UNC80: variants seen among roughly 807,000 people sequenced by gnomAD.
UNC80 encodes protein unc-80 homolog.
UNC80 carries 164 observed loss-of-function variants against 384.6 expected under a neutral mutation model. The observed-to-expected ratio is 0.43, with a 90% confidence interval of 0.38 to 0.49. The LOEUF is 0.49. Among genes scored for constraint, UNC80 ranks in the 20% least tolerant of loss-of-function variants. The pLI is 0.00. For synonymous variants in UNC80, 1,486 were observed against 1,527.8 expected (o/e 0.97, Z 0.64); for missense variants, 3,330 against 4,143.0 (o/e 0.80, Z 5.39).
At chr2:209,917,678 G>A in intron 31 of UNC80, 99 bp from the exon 32 acceptor site, 1 of 1,399,312 alleles carries the variant, frequency 7.1e-7, no homozygotes. Flanking sequence ...TAGCTCAGGA[G>A]TCATTTTCAG....
At position 209,771,846 on chromosome 2, in the gene UNC80, C is replaced by G. The variant is rs970596044; in HGVS notation, c.-227C>G. 1.8e-5 allele frequency: 10 copies of G among 541,354 alleles called. No homozygotes were observed. The highest frequency in any genetic ancestry group is 3.1e-5 in the Non-Finnish European group (9 of 294,774). The allele number at this position is 541,354 out of a possible 1,614,324, so 33.5% of individuals were successfully genotyped here. ...GGCGGACCGCTGCTCCGAGCGCCCCCCTCCTCGCTCCGCGGCTCCTCCAGC... is the reference window on the plus strand; with the variant it reads ...GGCGGACCGCTGCTCCGAGCGCCCCGCTCCTCGCTCCGCGGCTCCTCCAGC... On this transcript the variant is annotated 5_prime_UTR_variant, in exon 1 of 65. Coordinates refer to ENST00000673920, the MANE Select transcript of UNC80 (RefSeq NM_001371986.1).
intron 25 of UNC80, among the ~76,000 whole-genome samples, chr2:209,886,347 G>A (rs2085804934): frequency 6.6e-6 from 1 of 151,852 alleles, no homozygotes; most frequent in Non-Finnish European, 1.5e-5. Flanking sequence ...GGAGGCTGAG[G>A]TGGGAGGATC....
At chr2:209,777,208 C>A in intron 3 of UNC80, 50 bp from the exon 4 acceptor site, 1 of 1,520,018 alleles carries the variant, frequency 6.6e-7, no homozygotes. Flanking sequence ...ACATCTATTG[C>A]CCTGGTCACA....
intron 22 of UNC80, among the ~76,000 whole-genome samples, chr2:209,865,986 C>G (rs1200059150): frequency 6.6e-6 from 1 of 152,196 alleles, no homozygotes; most frequent in African/African-American, 2.4e-5. Flanking sequence ...TATAGGTAAT[C>G]TGCCCTCCTC....
intron 18 of UNC80, among the ~76,000 whole-genome samples, chr2:209,836,386 C>T (rs954926779): frequency 6.6e-6 from 1 of 152,014 alleles, no homozygotes; most frequent in African/African-American, 2.4e-5. Flanking sequence ...AACTATTGAG[C>T]TAATCTGATC....
In UNC80 at chr2:209,904,807, C is replaced by T; in HGVS notation, c.4624C>T (p.His1542Tyr). Residue 1542 changes from histidine to tyrosine, a missense_variant, in exon 29 of 65, where the codon CAC (histidine) becomes TAC (tyrosine). By Grantham distance (83) the His-to-Tyr change is moderately conservative (BLOSUM62 2). This residue lies in a region of UNC80 where 801 missense variants were observed against 950.8 expected (regional missense o/e 0.84). Coordinates refer to ENST00000673920, the MANE Select transcript of UNC80 (RefSeq NM_001371986.1). ...CAATCAGCAGAGTTTCATCTGCACT[C>T]ACGTTGACTACTGCCATCCCCACTG... Reference protein sequence around the residue: ...LCNQQSFICTHVDYCHPHCYL... With the variant: ...LCNQQSFICTYVDYCHPHCYL... 1 of 1,552,004 alleles carries T rather than the reference C, an allele frequency of 6.4e-7. No homozygotes were observed. The highest frequency in any genetic ancestry group is 8.7e-7 in the Non-Finnish European group (1 of 1,147,066).
intron 8 of UNC80, 44 bp from the exon 9 acceptor site, chr2:209,815,213 G>T (rs766075512): frequency 2.0e-6 from 3 of 1,533,296 alleles, no homozygotes; most frequent in Non-Finnish European, 2.6e-6. Context: ...ACAGTATTTG[G>T]ATGTAAAGTC....
chr2:209,866,533 C>CACAGAGAG (rs1307214321), intron 22 of UNC80, among the ~76,000 whole-genome samples: 13 of 104,134 alleles, frequency 1.2e-4, no homozygotes, highest in South Asian at 6.4e-4. Flanking sequence ...CACACACACA[C>CACAGAGAG]AGAGAGAGAG....
At chr2:209,812,211 G>A (rs993427648) in intron 7 of UNC80, among the ~76,000 whole-genome samples, 25 of 149,940 alleles carry the variant, frequency 1.7e-4, no homozygotes, top group Non-Finnish European at 2.8e-4. Flanking sequence ...CACCAAGAGC[G>A]GCTAATTTTT....
At chr2:209,936,260 C>T (rs544524308) in intron 40 of UNC80, among the ~76,000 whole-genome samples, 8 of 152,238 alleles carry the variant, frequency 5.3e-5, no homozygotes, top group Non-Finnish European at 1.0e-4. Flanking sequence ...TATATTCAAA[C>T]GCTGCCTTCA....
intron 33 of UNC80, among the ~76,000 whole-genome samples, chr2:209,919,589 A>G (rs1002521415): frequency 8.5e-5 from 13 of 152,218 alleles, no homozygotes; most frequent in African/African-American, 3.1e-4. Context: ...ATTTAGTTGA[A>G]TATATGAAAT....
chr2:209,916,682 C>CTA (rs1393500052), intron 31 of UNC80, among the ~76,000 whole-genome samples: 8 of 152,144 alleles, frequency 5.3e-5, no homozygotes, highest in African/African-American at 1.9e-4. Flanking sequence ...ATAAACCATT[C>CTA]TATAGATGAG....
At chr2:209,793,617 T>G (rs1245448996) in intron 6 of UNC80, 103 bp from the exon 7 acceptor site, 83 of 1,398,950 alleles carry the variant, frequency 5.9e-5, no homozygotes, top group Non-Finnish European at 7.7e-5. Flanking sequence ...AGCCCATATA[T>G]GGAACCATGT....
chr2:209,895,334 G>C (rs2086702518), intron 27 of UNC80, among the ~76,000 whole-genome samples: 1 of 152,212 alleles, frequency 6.6e-6, no homozygotes, highest in African/African-American at 2.4e-5. Context: ...AAGTCAGCAA[G>C]AAGTGTGGAT....
intron 28 of UNC80, among the ~76,000 whole-genome samples, chr2:209,903,523 AC>A (rs2087730774): frequency 7.0e-5 from 4 of 57,212 alleles, no homozygotes; most frequent in African/African-American, 2.7e-4. Context: ...TAATATATAT[AC>A]TATATATATT....
intron 13 of UNC80, among the ~76,000 whole-genome samples, chr2:209,824,773 TAGTA>T (rs770720109): frequency 3.9e-4 from 60 of 152,272 alleles, no homozygotes; most frequent in Middle Eastern, 3.4e-3. Flanking sequence ...AACCTTATCA[TAGTA>T]AGGCCCATGC....
intron 26 of UNC80, among the ~76,000 whole-genome samples, chr2:209,892,541 C>G (rs113139892): frequency 0.013 from 1,929 of 152,238 alleles, 53 homozygotes; most frequent in African/African-American, 0.044. Context: ...AACAAGCTCT[C>G]AAAATTAAAT....
chr2:209,813,731 G>A lies in UNC80; in HGVS notation c.1090G>A (p.Glu364Lys). The A allele has an allele frequency of 1.9e-6, 3 of 1,551,750 alleles. No individual in the cohort carries two copies. The highest frequency in any genetic ancestry group is 1.4e-5 in the African/African-American group (1 of 73,134). The stretch of plus-strand genomic sequence containing the variant: ...TCTACAAAGGCTGCGACACATGTTG[G>A]AAGAGAAGCCAGAAAAGCCTCCGGA... Reference protein sequence around the residue: ...YYLQRLRHMLEEKPEKPPEPD... With the variant: ...YYLQRLRHMLKEKPEKPPEPD... Residue 364 changes from glutamate to lysine, a missense_variant, in exon 8 of 65, where the codon GAA becomes AAA. Physicochemically the swap from Glu to Lys is moderately conservative, Grantham distance 56 (BLOSUM62 1). Around this residue, in one of 8 missense-constraint regions of UNC80, gnomAD observed 937 missense variants for 1,026.8 expected, o/e 0.91. Transcript: ENST00000673920.
intron 39 of UNC80, among the ~76,000 whole-genome samples, chr2:209,934,809 C>T (rs1472283706): frequency 1.3e-5 from 2 of 152,170 alleles, no homozygotes; most frequent in Non-Finnish European, 2.9e-5. Context: ...GAAATACTTG[C>T]TGCCATACCT....
Sources: gnomAD v4.1 joint callset for allele counts (sites outside exome capture counted in the v4.1 genomes callset) on GRCh38, gnomAD v4.1.1 for gene constraint, gnomAD v4.1.1 regional missense constraint, MANE v1.5 for transcripts, NCBI Gene and HGNC (gene_info 2026-07-23, HGNC 2026-07-21) for gene names.